The following TENM4 variants were observed in gnomAD, a reference collection of about 807,000 sequenced individuals.
TENM4 encodes teneurin transmembrane protein 4.
A neutral mutation model predicts 243.3 loss-of-function variants in TENM4; 82 were observed. The ratio of observed to expected loss-of-function variants is 0.34; its 90% confidence interval spans 0.28 to 0.40. TENM4 has a LOEUF of 0.40. Among genes scored for constraint, TENM4 ranks in the 10% least tolerant of loss-of-function variants. The probability of loss-of-function intolerance (pLI) is 1.00; values close to 1 mark genes in which losing one functional copy is unlikely to be tolerated. For missense variants in TENM4, 3,138 were observed against 3,673.3 expected, an observed-to-expected ratio of 0.85 and a Z score of 3.77; for synonymous variants, 1,412 against 1,456.3, an observed-to-expected ratio of 0.97 and a Z score of 0.69.
At chr11:78,950,113 C>T (rs576894548) in intron 6 of TENM4, among the ~76,000 whole-genome samples, 5 of 152,242 alleles carry the variant, frequency 3.3e-5, no homozygotes, top group African/African-American at 9.6e-5. Context: ...GAAGCCTGCC[C>T]ATTGTCCAGG....
intron 15 of TENM4, among the ~76,000 whole-genome samples, chr11:78,787,284 A>G (rs1856961326): frequency 6.6e-6 from 1 of 152,216 alleles, no homozygotes; most frequent in African/African-American, 2.4e-5. Context: ...CTCCGTGGAC[A>G]ATGACCCTCA....
intron 6 of TENM4, among the ~76,000 whole-genome samples, chr11:79,002,744 G>T (rs923845907): frequency 6.6e-6 from 1 of 152,106 alleles, no homozygotes; most frequent in African/African-American, 2.4e-5. Context: ...AAAGCCAAGG[G>T]GTCTTCTCAT....
chr11:78,673,487 G>C (rs1348886295), intron 30 of TENM4, among the ~76,000 whole-genome samples: 2 of 152,124 alleles, frequency 1.3e-5, no homozygotes, highest in African/African-American at 4.8e-5. Context: ...GCAATGAAAG[G>C]CCCTCTGGAT....
At chr11:78,868,973 T>C (rs1363129258) in intron 9 of TENM4, among the ~76,000 whole-genome samples, 1 of 152,206 alleles carries the variant, frequency 6.6e-6, no homozygotes, top group East Asian at 1.9e-4. Flanking sequence ...CTTTGACTTA[T>C]GGTCCTCTAA....
At chr11:79,315,479 T>C (rs1856788116) in intron 1 of TENM4, among the ~76,000 whole-genome samples, 1 of 152,212 alleles carries the variant, frequency 6.6e-6, no homozygotes, top group Admixed American at 6.5e-5. Context: ...ATAGGTTTGT[T>C]GTTTGGCTGC....
At chr11:79,199,002 C>T (rs1421241725) in intron 3 of TENM4, among the ~76,000 whole-genome samples, 1 of 152,096 alleles carries the variant, frequency 6.6e-6, no homozygotes, top group African/African-American at 2.4e-5. Flanking sequence ...GGAGGAGTCC[C>T]TGATGTTAGA....
chr11:78,701,381 T>A (rs1258139047), intron 28 of TENM4, 145 bp downstream of exon 28: 1 of 1,160,688 alleles, frequency 8.6e-7, no homozygotes, highest in Non-Finnish European at 1.2e-6. Flanking sequence ...AGAAATCATG[T>A]GGAATATGAA....
chr11:79,195,568 G>A (rs181902689), intron 3 of TENM4, among the ~76,000 whole-genome samples: 208 of 152,218 alleles, frequency 1.4e-3, no homozygotes, highest in Non-Finnish European at 2.0e-3. Context: ...TTTGACTGCC[G>A]CTGGATTTTG....
At chr11:79,292,821 C>T (rs1432739100) in intron 2 of TENM4, among the ~76,000 whole-genome samples, 1 of 152,244 alleles carries the variant, frequency 6.6e-6, no homozygotes, top group African/African-American at 2.4e-5. Flanking sequence ...ATAATAGTAT[C>T]TATCTTATAG....
chr11:79,057,614 T>G (rs1219194032), intron 6 of TENM4, among the ~76,000 whole-genome samples: 1 of 152,216 alleles, frequency 6.6e-6, no homozygotes, highest in Non-Finnish European at 1.5e-5. Flanking sequence ...ACCTTGTTCA[T>G]CATCAATTTT....
At chr11:79,017,570 G>A (rs1858812711) in intron 6 of TENM4, among the ~76,000 whole-genome samples, 1 of 152,158 alleles carries the variant, frequency 6.6e-6, no homozygotes, top group African/African-American at 2.4e-5. Flanking sequence ...AGGGGATAAG[G>A]GATGTTGGGA....
chr11:78,806,303 A>C (rs1411571910), intron 14 of TENM4, among the ~76,000 whole-genome samples: 3 of 152,154 alleles, frequency 2.0e-5, no homozygotes, highest in African/African-American at 7.2e-5. Flanking sequence ...GTCTCTAAAA[A>C]ACAAACAAAC....
At chr11:79,178,660 G>A (rs1863220664) in intron 3 of TENM4, among the ~76,000 whole-genome samples, 1 of 152,208 alleles carries the variant, frequency 6.6e-6, no homozygotes, top group East Asian at 1.9e-4. Flanking sequence ...CTTGACAGGA[G>A]CAGTGTTGGA....
intron 12 of TENM4, among the ~76,000 whole-genome samples, chr11:78,830,086 C>T (rs1857943786): frequency 6.6e-6 from 1 of 152,228 alleles, no homozygotes; most frequent in African/African-American, 2.4e-5. Context: ...GCTGCTGAAT[C>T]CTCTCTTCCT....
At chr11:78,893,488 C>G (rs1348049524) in intron 7 of TENM4, among the ~76,000 whole-genome samples, 1 of 152,206 alleles carries the variant, frequency 6.6e-6, no homozygotes, top group East Asian at 1.9e-4. Flanking sequence ...TAGTCCTTAC[C>G]AGGGCCCACA....
At chr11:79,323,949 A>G (rs979664152) in intron 1 of TENM4, among the ~76,000 whole-genome samples, 13 of 152,156 alleles carry the variant, frequency 8.5e-5, no homozygotes, top group African/African-American at 3.1e-4. Context: ...ACATAAAGCT[A>G]CATATACACA....
At chr11:79,304,752 C>G (rs889224431) in intron 1 of TENM4, among the ~76,000 whole-genome samples, 3 of 152,192 alleles carry the variant, frequency 2.0e-5, no homozygotes, top group Non-Finnish European at 4.4e-5. Flanking sequence ...CTCCAAAGAC[C>G]AGCTGTATCC....
At chr11:79,353,193 G>T (rs1033631254) in intron 1 of TENM4, among the ~76,000 whole-genome samples, 3 of 152,184 alleles carry the variant, frequency 2.0e-5, no homozygotes, top group African/African-American at 7.2e-5. Context: ...AGGGCTGGAG[G>T]AAGATGGCCA....
intron 20 of TENM4, among the ~76,000 whole-genome samples, chr11:78,736,479 T>TGTGCGCGC (rs796898751): frequency 1.4e-4 from 14 of 99,402 alleles, no homozygotes; most frequent in African/African-American, 3.8e-4. Flanking sequence ...TGTGTGTGTG[T>TGTGCGCGC]GCGCGCGCGT....
Sources: allele counts gnomAD v4.1 joint callset (sites outside exome capture counted in the v4.1 genomes callset), GRCh38; gene constraint gnomAD v4.1.1; transcripts MANE v1.5; gene names NCBI Gene and HGNC (gene_info 2026-07-23, HGNC 2026-07-21).